ERI1: variants seen among roughly 807,000 people sequenced by gnomAD.
The protein encoded by ERI1 is exoribonuclease 1.
Under a neutral mutation model 39.7 loss-of-function variants are expected in ERI1, and 39 were observed. The observed-to-expected ratio is 0.98, with a 90% CI of 0.76 to 1.28. The LOEUF (loss-of-function observed/expected upper bound fraction) is 1.28. Among genes scored for constraint, ERI1 ranks in the 50% most tolerant of loss-of-function variants. ERI1 has a pLI of 0.00. For missense variants in ERI1, 581 were observed against 416.9 expected, an observed-to-expected ratio of 1.39 and a Z score of -3.43; for synonymous variants, 204 against 149.6, an observed-to-expected ratio of 1.36 and a Z score of -2.65.
chr8:9,023,982 A>G (rs1818202801), intron 6 of ERI1, among the ~76,000 whole-genome samples: 1 of 151,566 alleles, frequency 6.6e-6, no homozygotes, highest in South Asian at 2.1e-4. Context: ...TGTATTTTTT[A>G]GTAGAGACGG....
In ERI1 at chr8:9,030,007, A is replaced by G. The variant is rs746759798; in HGVS notation, c.1023A>G (p.Pro341=). ...CCTTACCAATAGAGGGCACTCCACC[A>G]CCACAAATGCCACATTTTAGAAAGT... ...SSSLPIEGTP[P]PQMPHFRK The change falls in exon 7 of 7, where the codon CCA becomes CCG. Residue 341 remains proline (P), a synonymous_variant. Transcript: ENST00000250263. The G allele has an allele frequency of 6.2e-6, 10 of 1,608,780 alleles. No homozygotes were observed. The highest frequency in any genetic ancestry group is 1.6e-4 in the Middle Eastern group (1 of 6,074).
chr8:9,082,136 C>T (rs1799390743), intron 3 of ERI1, among the ~76,000 whole-genome samples: 1 of 152,184 alleles, frequency 6.6e-6, no homozygotes, highest in Admixed American at 6.5e-5. Flanking sequence ...AGTTTAGTCT[C>T]TTTCTAGAAC....
chr8:9,085,352 G>C (rs1048863855), intron 3 of ERI1, among the ~76,000 whole-genome samples: 1 of 152,048 alleles, frequency 6.6e-6, no homozygotes, highest in African/African-American at 2.4e-5. Flanking sequence ...GAGATTACAG[G>C]CTTATACTTC....
chr8:9,026,167 C>G (rs1818455089), intron 6 of ERI1, among the ~76,000 whole-genome samples: 1 of 152,028 alleles, frequency 6.6e-6, no homozygotes, highest in African/African-American at 2.4e-5. Flanking sequence ...TTATGTTGGC[C>G]CTCAAAAAGT....
intron 3 of ERI1, among the ~76,000 whole-genome samples, chr8:9,042,231 C>T (rs1305175082): frequency 2.0e-5 from 3 of 152,126 alleles, no homozygotes; most frequent in South Asian, 2.1e-4. Flanking sequence ...CCTCACCCAG[C>T]GTATGTTTTG....
intron 3 of ERI1, among the ~76,000 whole-genome samples, chr8:9,048,993 G>A (rs181871262): frequency 2.2e-4 from 33 of 152,124 alleles, no homozygotes; most frequent in Admixed American, 2.1e-3. Flanking sequence ...ATAGGTGGAG[G>A]TGAGCGAGAT....
At chr8:9,041,159 C>T (rs1185645824) in intron 3 of ERI1, among the ~76,000 whole-genome samples, 1 of 152,156 alleles carries the variant, frequency 6.6e-6, no homozygotes, top group African/African-American at 2.4e-5. Context: ...TTCTGTGTGT[C>T]TGGTGAGAAA....
At chr8:9,019,268 G>A (rs1172331011) in intron 5 of ERI1, among the ~76,000 whole-genome samples, 1 of 152,192 alleles carries the variant, frequency 6.6e-6, no homozygotes, top group African/African-American at 2.4e-5. Context: ...GTTTCAAACT[G>A]TGCAGGTTAT....
At chr8:9,026,556 A>C (rs938864763) in intron 6 of ERI1, among the ~76,000 whole-genome samples, 2 of 152,214 alleles carry the variant, frequency 1.3e-5, no homozygotes, top group African/African-American at 4.8e-5. Flanking sequence ...ATCATGTGTC[A>C]GAATTCTACC....
chr8:9,008,546 T>G (rs1816296200), intron 2 of ERI1, among the ~76,000 whole-genome samples: 1 of 152,228 alleles, frequency 6.6e-6, no homozygotes, highest in African/African-American at 2.4e-5. Context: ...TACAATAAAT[T>G]AAAAACATTC....
chr8:9,097,405 G>C (rs924572237), intron 3 of ERI1, among the ~76,000 whole-genome samples: 11 of 152,176 alleles, frequency 7.2e-5, no homozygotes, highest in Admixed American at 6.5e-4. Flanking sequence ...GCTCACGCCT[G>C]TAATCCCAAC....
intron 2 of ERI1, 55 bp downstream of exon 2, chr8:9,008,203 A>G (rs76575595): frequency 0.056 from 75,845 of 1,353,944 alleles, 2,432 homozygotes; most frequent in Non-Finnish European, 0.064. Flanking sequence ...ATTTTAGAAA[A>G]TCTTGAAAAC....
chr8:9,076,833 G>A (rs145520115), intron 3 of ERI1, among the ~76,000 whole-genome samples: 17 of 152,356 alleles, frequency 1.1e-4, no homozygotes, highest in Non-Finnish European at 2.2e-4. Context: ...GCTGCAGAAG[G>A]CAGGGCTAGG....
At chr8:9,014,551 A>T (rs1817026774) in intron 3 of ERI1, among the ~76,000 whole-genome samples, 1 of 152,202 alleles carries the variant, frequency 6.6e-6, no homozygotes, top group Non-Finnish European at 1.5e-5. Flanking sequence ...TATTTAAGTG[A>T]TGATTAAAGA....
intron 3 of ERI1, among the ~76,000 whole-genome samples, chr8:9,075,695 C>T (rs977645142): frequency 6.6e-6 from 1 of 152,020 alleles, no homozygotes; most frequent in African/African-American, 2.4e-5. Flanking sequence ...ACCCTTCAGG[C>T]TCAGGGAAAA....
chr8:9,084,040 G>A (rs1309004073), intron 3 of ERI1, among the ~76,000 whole-genome samples: 4 of 152,060 alleles, frequency 2.6e-5, no homozygotes, highest in African/African-American at 7.2e-5. Context: ...TGATCAACCC[G>A]CCTCGGCCTC....
At chr8:9,088,217 G>A (rs1799589101) in intron 3 of ERI1, among the ~76,000 whole-genome samples, 1 of 151,320 alleles carries the variant, frequency 6.6e-6, no homozygotes, top group African/African-American at 2.4e-5. Flanking sequence ...TCTCTTCTCT[G>A]CATTTAACAC....
chr8:9,030,110 C>T lies in ERI1; in HGVS notation c.*76C>T, dbSNP rs1041005308. ...GCAGATGAATCTCATTGAATTAGTC[C>T]TGTAGTGCAAACTTTAAGCACCTTA... is the stretch of plus-strand genomic sequence containing the variant. On this transcript the variant is annotated 3_prime_UTR_variant, in exon 7 of 7. Transcript: ENST00000250263. 7 of 1,567,038 alleles carry T rather than the reference C, an allele frequency of 4.5e-6. No homozygotes were observed. The highest frequency in any genetic ancestry group is 4.1e-5 in the African/African-American group (3 of 73,852).
At chr8:9,071,047 G>T (rs193246669) in intron 3 of ERI1, among the ~76,000 whole-genome samples, 26 of 152,266 alleles carry the variant, frequency 1.7e-4, no homozygotes, top group African/African-American at 4.3e-4. Flanking sequence ...GTTTTGGTCT[G>T]TTGATTTCCA....
Sources: gnomAD v4.1 joint callset for allele counts (sites outside exome capture counted in the v4.1 genomes callset) on GRCh38, gnomAD v4.1.1 for gene constraint, MANE v1.5 for transcripts, NCBI Gene and HGNC (gene_info 2026-07-23, HGNC 2026-07-21) for gene names.